Variants in FHL2 observed in about 807,000 individuals in gnomAD.
FHL2 encodes the protein four and a half LIM domains protein 2.
Under a neutral mutation model 32.7 loss-of-function variants are expected in FHL2, and 20 were observed. The ratio of observed to expected loss-of-function variants is 0.61; its 90% CI spans 0.43 to 0.89. The LOEUF (loss-of-function observed/expected upper bound fraction) is 0.89, where lower values mean the gene tolerates loss of function less well. FHL2 is among the 40% of genes least tolerant of loss of function. The pLI is 0.00. For synonymous variants in FHL2, 123 were observed against 128.1 expected (o/e 0.96, Z 0.27); for missense variants, 311 against 358.6 (o/e 0.87, Z 1.07).
chr2:105,413,145 C>T (rs6543293), intron 1 of FHL2, among the ~76,000 whole-genome samples: 145,048 of 152,188 alleles, frequency 0.95, 69,184 homozygotes, highest in East Asian at 1. Context: ...AGCAAGGCAG[C>T]GATCAGTTTC....
At chr2:105,399,228 T>C (rs1013048629), upstream of FHL2, 6 of 1,533,728 alleles carry the variant, frequency 3.9e-6, no homozygotes, top group African/African-American at 8.2e-5. Flanking sequence ...GTACCCTTTG[T>C]TTGCCAGGGC....
chr2:105,427,702 A>G (rs1261768945), intron 1 of FHL2, among the ~76,000 whole-genome samples: 2 of 152,190 alleles, frequency 1.3e-5, no homozygotes, highest in Non-Finnish European at 2.9e-5. Flanking sequence ...GGTTGCAGGC[A>G]AGCATTTAGA....
upstream of FHL2, chr2:105,399,350 G>A (rs1346243135): frequency 6.5e-7 from 1 of 1,535,840 alleles, no homozygotes; most frequent in Non-Finnish European, 8.7e-7. Context: ...CGGTGGCAGG[G>A]GTCTGCCCAC....
intron 1 of FHL2, among the ~76,000 whole-genome samples, chr2:105,434,950 T>C (rs4851771): frequency 0.53 from 80,144 of 151,920 alleles, 21,304 homozygotes; most frequent in East Asian, 0.6. Flanking sequence ...AATTAGACTG[T>C]TTTATGTTTG....
upstream of FHL2, chr2:105,399,527 G>T (rs1163804907): frequency 3.3e-6 from 5 of 1,536,028 alleles, no homozygotes; most frequent in Non-Finnish European, 3.5e-6. Flanking sequence ...TTTACGAAAT[G>T]AACACCACAG....
intron 1 of FHL2, among the ~76,000 whole-genome samples, chr2:105,415,445 C>A (rs901809673): frequency 6.6e-6 from 1 of 152,076 alleles, no homozygotes; most frequent in Non-Finnish European, 1.5e-5. Flanking sequence ...AATTTTGCAC[C>A]GTGTGCATTG....
At chr2:105,395,139 C>T (rs1479820789) in intron 2 of FHL2, among the ~76,000 whole-genome samples, 1 of 152,230 alleles carries the variant, frequency 6.6e-6, no homozygotes, top group Non-Finnish European at 1.5e-5. Flanking sequence ...GAGTTCCAGT[C>T]TAGTTCTAGC....
intron 1 of FHL2, among the ~76,000 whole-genome samples, chr2:105,434,898 C>A (rs1489825341): frequency 6.6e-6 from 1 of 152,046 alleles, no homozygotes; most frequent in Non-Finnish European, 1.5e-5. Context: ...TAGACTAAAT[C>A]ATTCTGGTTG....
chr2:105,386,385 C>T lies in FHL2; in HGVS notation c.132G>A (p.Gly44=). The T allele has an allele frequency of 6.2e-7, 1 of 1,614,116 alleles. No individual in the cohort carries two copies. The highest frequency in any genetic ancestry group is 8.5e-7 in the Non-Finnish European group (1 of 1,180,022). Residue 44 remains glycine (G), a synonymous_variant, in exon 3 of 7, where the codon GGG becomes GGA. Coordinates refer to ENST00000530340, the MANE Select transcript of FHL2 (RefSeq NM_001318895.3). ...TLFANTCEEC[G]KPIGCDCKDL... ...CCTTGCAGTCACAGCCGATGGGCTT[C>T]CCACACTCCTCGCAGGTGTTGGCGA... is the stretch of plus-strand genomic sequence containing the variant.
At chr2:105,386,096 G>T (rs1296751978) in intron 3 of FHL2, 4 of 454,108 alleles carry the variant, frequency 8.8e-6, no homozygotes, top group Non-Finnish European at 1.5e-5. Flanking sequence ...AGTTAGATAA[G>T]GGCACTAATT....
intron 4 of FHL2, among the ~76,000 whole-genome samples, chr2:105,370,244 G>C (rs1573296575): frequency 6.6e-6 from 1 of 152,056 alleles, no homozygotes; most frequent in African/African-American, 2.4e-5. Flanking sequence ...GTGTGGTGGT[G>C]TGTGCCTGAG....
chr2:105,377,840 G>T, intron 3 of FHL2: 9 of 347,966 alleles, frequency 2.6e-5, no homozygotes, highest in East Asian at 2.3e-4. Context: ...GAGAGGGGAG[G>T]AGATCCTTGG....
At chr2:105,412,860 G>A (rs1437237180) in intron 1 of FHL2, among the ~76,000 whole-genome samples, 4 of 152,192 alleles carry the variant, frequency 2.6e-5, no homozygotes, top group African/African-American at 9.7e-5. Context: ...GTCTGAATGT[G>A]ATCAGTGGCA....
chr2:105,402,176 T>C (rs1482728263), upstream of FHL2, among the ~76,000 whole-genome samples: 2 of 149,600 alleles, frequency 1.3e-5, no homozygotes, highest in South Asian at 4.2e-4. Context: ...TATATATGTA[T>C]CTGTATGTAT....
chr2:105,370,902 G>T (rs960003891), intron 4 of FHL2, among the ~76,000 whole-genome samples: 5 of 152,128 alleles, frequency 3.3e-5, no homozygotes, highest in Non-Finnish European at 4.4e-5. Flanking sequence ...AGGGTCTGAC[G>T]CCTGTGTGTG....
chr2:105,408,016 A>G (rs1412957940), intron 1 of FHL2, among the ~76,000 whole-genome samples: 1 of 152,210 alleles, frequency 6.6e-6, no homozygotes, highest in African/African-American at 2.4e-5. Flanking sequence ...ATACAAAGTT[A>G]AACAAAAATT....
chr2:105,400,196 G>A (rs1270024378), upstream of FHL2, among the ~76,000 whole-genome samples: 1 of 152,158 alleles, frequency 6.6e-6, no homozygotes, highest in East Asian at 1.9e-4. Context: ...TCCAGGCCAC[G>A]TGAACGGTAA....
intron 4 of FHL2, among the ~76,000 whole-genome samples, chr2:105,371,737 GC>G (rs1371430876): frequency 6.6e-6 from 1 of 152,200 alleles, no homozygotes; most frequent in Non-Finnish European, 1.5e-5. Flanking sequence ...TCTTTAAACA[GC>G]CCCTAGAGTC....
Position 105,375,510 on chromosome 2 carries a change from T to C in FHL2, c.157-1777A>G, listed in dbSNP as rs569242560. ...AACATTAGCCGGGCGTGGTGGTGCA[T>C]GCCTTTAGTCCCAGCTACTTGGGAA... On this transcript the variant is annotated intron_variant, in intron 3 of 6. Transcript: ENST00000530340. The C allele has an allele frequency of 2.0e-5, 3 of 152,436 alleles. No homozygotes were observed. In the East Asian group the frequency reaches 5.8e-4, roughly 29 times the overall value. The allele number at this position is 152,436 out of a possible 1,614,324, so 9.4% of individuals were successfully genotyped here.
Sources: gnomAD v4.1 joint callset for allele counts (sites outside exome capture counted in the v4.1 genomes callset) on GRCh38, gnomAD v4.1.1 for gene constraint, MANE v1.5 for transcripts, NCBI Gene and HGNC (gene_info 2026-07-23, HGNC 2026-07-21) for gene names.